DLGAP1: variants seen among roughly 807,000 people sequenced by gnomAD.
DLGAP1 encodes disks large-associated protein 1.
Under a neutral mutation model 90.8 loss-of-function variants are expected in DLGAP1, and 11 were observed. That is an observed-to-expected ratio of 0.12 (90% CI 0.08 to 0.20). The LOEUF is 0.20. Among genes scored for constraint, DLGAP1 ranks in the 10% least tolerant of loss-of-function variants. DLGAP1 has a pLI of 1.00. For missense variants in DLGAP1, 1,050 were observed against 1,333.8 expected, an observed-to-expected ratio of 0.79 and a Z score of 3.31; for synonymous variants, 558 against 540.7, an observed-to-expected ratio of 1.03 and a Z score of -0.44.
intron 2 of DLGAP1, among the ~76,000 whole-genome samples, chr18:4,018,393 C>T (rs1329314870): frequency 1.3e-5 from 2 of 152,280 alleles, no homozygotes; most frequent in Non-Finnish European, 2.9e-5. Flanking sequence ...AGCATGACCT[C>T]GTGTGAGGCA....
intron 7 of DLGAP1, among the ~76,000 whole-genome samples, chr18:3,714,188 A>G (rs1488650895): frequency 6.6e-6 from 1 of 152,236 alleles, no homozygotes; most frequent in African/African-American, 2.4e-5. Context: ...GTTCAGTCAT[A>G]TAATCCTATG....
intron 4 of DLGAP1, chr18:3,874,671 C>A: frequency 6.5e-7 from 1 of 1,535,562 alleles, no homozygotes; most frequent in Non-Finnish European, 8.7e-7. Flanking sequence ...CACATCTCAA[C>A]TGAGAATTAA....
chr18:4,049,946 CCA>C (rs1568369292), intron 2 of DLGAP1, among the ~76,000 whole-genome samples: 12 of 149,650 alleles, frequency 8.0e-5, no homozygotes, highest in Non-Finnish European at 1.5e-4. Context: ...ATCCATCCAT[CCA>C]TCCATCCATA....
At chr18:3,833,240 C>T (rs139233023) in intron 4 of DLGAP1, among the ~76,000 whole-genome samples, 4,164 of 130,122 alleles carry the variant, frequency 0.032, 101 homozygotes, top group Non-Finnish European at 0.04. Flanking sequence ...CTTCCTTCCT[C>T]CTTGTTTTTT....
In DLGAP1 at chr18:3,534,119, A is replaced by T. The variant is rs935200438; in HGVS notation, c.2479+75T>A. The T allele has an allele frequency of 2.7e-6, 4 of 1,493,568 alleles. No homozygotes were observed. In the African/African-American group the frequency reaches 5.6e-5, roughly 21 times the overall value. The allele number at this position is 1,493,568 out of a possible 1,614,324, so 92.5% of individuals were successfully genotyped here. A position where few individuals can be genotyped will look rare whatever the true frequency, so the allele number is the denominator to read the frequency against. On this transcript the variant is annotated intron_variant, in intron 10 of 12. Transcript: ENST00000315677. ...TATACAAGTGAAGCTGGCAGAGAAG[A>T]AAACAACAAGGTCTGCACACACAAA... is the stretch of plus-strand genomic sequence containing the variant.
chr18:3,631,852 T>C (rs145050091), intron 7 of DLGAP1, among the ~76,000 whole-genome samples: 1 of 152,318 alleles, frequency 6.6e-6, no homozygotes, highest in African/African-American at 2.4e-5. Context: ...GGCGAGATCA[T>C]AGTTCATTGC....
chr18:3,807,249 A>C (rs1478292280), intron 5 of DLGAP1, among the ~76,000 whole-genome samples: 1 of 152,118 alleles, frequency 6.6e-6, no homozygotes, highest in African/African-American at 2.4e-5. Context: ...CCTGGGTACC[A>C]CTTCTCAGTT....
chr18:4,255,281 T>C (rs1308453053), intron 1 of DLGAP1, among the ~76,000 whole-genome samples: 1 of 152,146 alleles, frequency 6.6e-6, no homozygotes, highest in Non-Finnish European at 1.5e-5. Context: ...TCATTTTCAT[T>C]AGTCCTAAGT....
At chr18:4,088,599 T>C (rs2075721904) in intron 2 of DLGAP1, among the ~76,000 whole-genome samples, 1 of 152,220 alleles carries the variant, frequency 6.6e-6, no homozygotes, top group African/African-American at 2.4e-5. Context: ...CTCTTACCTT[T>C]CATTTGTTTG....
intron 7 of DLGAP1, among the ~76,000 whole-genome samples, chr18:3,589,912 C>G (rs1211985611): frequency 6.6e-6 from 1 of 152,078 alleles, no homozygotes; most frequent in East Asian, 1.9e-4. Context: ...AAAAGAAGGC[C>G]TTTATTTCTT....
chr18:3,645,496 A>G (rs1417812147), intron 7 of DLGAP1, among the ~76,000 whole-genome samples: 1 of 152,142 alleles, frequency 6.6e-6, no homozygotes, highest in Admixed American at 6.6e-5. Flanking sequence ...CTGCAGTCAC[A>G]TCTGACTCCT....
chr18:3,874,320 T>C (rs1488756709), intron 4 of DLGAP1: 2 of 1,535,226 alleles, frequency 1.3e-6, no homozygotes, highest in Non-Finnish European at 1.8e-6. Flanking sequence ...TCTCTCCACT[T>C]CTACCGCGGA....
At chr18:3,686,341 A>C (rs531488140) in intron 7 of DLGAP1, among the ~76,000 whole-genome samples, 6 of 143,298 alleles carry the variant, frequency 4.2e-5, no homozygotes, top group African/African-American at 7.6e-5. Context: ...CCTTCAATTA[A>C]GGAATCATGG....
Position 4,413,863 on chromosome 18 carries a change from CTTTA to C in DLGAP1, c.-267+41139_-267+41142del, listed in dbSNP as rs1598383377. ...CCATCATGATTACAGCATGGCCACA[CTTTA>C]TTTATATACTCTATACTTCAAGAAA... On this transcript the variant is annotated intron_variant, in intron 1 of 12. Transcript: ENST00000315677. Among the ~76,000 whole-genome samples the C allele has an allele frequency of 2.0e-5, 3 of 152,272 alleles. No individual in the cohort carries two copies. The East Asian group carries it at 5.8e-4, about 29-fold the overall frequency.
intron 1 of DLGAP1, among the ~76,000 whole-genome samples, chr18:4,268,310 A>T (rs2079175614): frequency 6.6e-6 from 1 of 152,252 alleles, no homozygotes; most frequent in Non-Finnish European, 1.5e-5. Context: ...AATTTCAAAA[A>T]GGAATAAACA....
At chr18:3,768,518 G>A (rs2064362402) in intron 5 of DLGAP1, among the ~76,000 whole-genome samples, 1 of 152,114 alleles carries the variant, frequency 6.6e-6, no homozygotes, top group Non-Finnish European at 1.5e-5. Context: ...GGAGAAGGAA[G>A]GGGGAGGATT....
intron 5 of DLGAP1, among the ~76,000 whole-genome samples, chr18:3,785,713 C>T (rs540008083): frequency 5.4e-4 from 82 of 152,182 alleles, no homozygotes; most frequent in Non-Finnish European, 8.7e-4. Flanking sequence ...TCTGAGATAG[C>T]GAATGAGATT....
intron 8 of DLGAP1, among the ~76,000 whole-genome samples, chr18:3,576,773 T>C (rs549897131): frequency 1.3e-5 from 2 of 150,284 alleles, no homozygotes; most frequent in South Asian, 4.2e-4. Flanking sequence ...TCCATGTTGG[T>C]CAGGCTGATC....
At position 3,534,384 on chromosome 18, in the gene DLGAP1, G is replaced by C; in HGVS notation, c.2289C>G (p.Pro763=). ...AGGGGTCCGGAGGAGGCAGAATAGA[G>C]GGGTCAAAATCCGTGTCAAAGTCAT... ...ADDDFDTDFD[P]SILPPPDPWI... is the part of the protein sequence containing the mutation. Residue 763 remains proline, a synonymous_variant, in exon 10 of 13, where the codon CCC becomes CCG. Coordinates refer to ENST00000315677, the MANE Select transcript of DLGAP1 (RefSeq NM_004746.4). 5 of 1,614,148 alleles carry C rather than the reference G, an allele frequency of 3.1e-6. No individual in the cohort carries two copies. Among genetic ancestry groups the C allele is most frequent in the Non-Finnish European group, 4.2e-6 (5 of 1,180,014 alleles).
Sources: gnomAD v4.1 joint callset for allele counts (sites outside exome capture counted in the v4.1 genomes callset) on GRCh38, gnomAD v4.1.1 for gene constraint, MANE v1.5 for transcripts, NCBI Gene and HGNC (gene_info 2026-07-23, HGNC 2026-07-21) for gene names.